Variants in PCYT1A observed in about 807,000 individuals in gnomAD.
PCYT1A encodes the protein choline-phosphate cytidylyltransferase A.
PCYT1A carries 25 observed loss-of-function variants against 43.7 expected under a neutral mutation model. The observed-to-expected ratio is 0.57, with a 90% CI of 0.42 to 0.80. PCYT1A has a LOEUF of 0.80. PCYT1A is among the 30% of genes least tolerant of loss of function. The pLI is 0.00. For missense variants in PCYT1A, 421 were observed against 474.2 expected, an observed-to-expected ratio of 0.89 and a Z score of 1.04; for synonymous variants, 172 against 170.7, an observed-to-expected ratio of 1.01 and a Z score of -0.06.
At chr3:196,266,262 A>G (rs1344652014) in intron 2 of PCYT1A, among the ~76,000 whole-genome samples, 1 of 148,778 alleles carries the variant, frequency 6.7e-6, no homozygotes, top group African/African-American at 2.5e-5. Context: ...CACGAGGTCA[A>G]GAGATCGAGA....
At chr3:196,270,131 G>T (rs2108777606) in intron 2 of PCYT1A, among the ~76,000 whole-genome samples, 1 of 152,230 alleles carries the variant, frequency 6.6e-6, no homozygotes, top group South Asian at 2.1e-4. Flanking sequence ...CCCAAAGTGT[G>T]GGATTACAGG....
At position 196,241,951 on chromosome 3, in the gene PCYT1A, G is replaced by A. The variant is rs1195978103; in HGVS notation, c.705C>T (p.Ile235=). 6.2e-7 allele frequency: 1 copy of A among 1,614,048 alleles called. No individual in the cohort carries two copies. Among genetic ancestry groups the A allele is most frequent in the Non-Finnish European group, 8.5e-7 (1 of 1,180,018 alleles). Residue 235 remains isoleucine (I), a synonymous_variant, in exon 7 of 9, where the codon ATC becomes ATT. Coordinates refer to ENST00000431016, the MANE Select transcript of PCYT1A (RefSeq NM_001312673.2). ...YTAKELNVSF[I]NEKKYHLQER... is the part of the protein sequence containing the mutation. ...CTGGGGTAAGGCTGGAACTCACGTT[G>A]ATAAAGCTGACATTGAGCTCCTTTG...
At chr3:196,263,773 C>T (rs964294136) in intron 2 of PCYT1A, among the ~76,000 whole-genome samples, 63 of 152,116 alleles carry the variant, frequency 4.1e-4, no homozygotes, top group African/African-American at 1.5e-3. Context: ...GCTGGGACTA[C>T]AGGCACCCAC....
At chr3:196,264,576 C>T (rs147301717) in intron 2 of PCYT1A, among the ~76,000 whole-genome samples, 206 of 152,302 alleles carry the variant, frequency 1.4e-3, no homozygotes, top group African/African-American at 4.8e-3. Context: ...ACCACTGCCC[C>T]TACCTCTTGG....
In PCYT1A at chr3:196,248,237, G is replaced by C. The variant is rs2108766509; in HGVS notation, c.304C>G (p.Leu102Val). 6.2e-7 allele frequency: 1 copy of C among 1,611,174 alleles called. No individual in the cohort carries two copies. The highest frequency in any genetic ancestry group is 8.5e-7 in the Non-Finnish European group (1 of 1,177,290). Reference protein sequence around the residue: ...HARALMQAKNLFPNTYLIVGV... With the variant: ...HARALMQAKNVFPNTYLIVGV... ...ACAATGAGGTACGTATTAGGGAAAA[G>C]GTTCTTCGCTTGCATCAGAGCTCGG... Residue 102 changes from leucine to valine, a missense_variant, in exon 4 of 9, where the codon CTT becomes GTT. Physicochemically the swap from Leu to Val is conservative, Grantham distance 32 (BLOSUM62 1). This residue lies in a region of PCYT1A where 174 missense variants were observed against 270.7 expected (regional missense o/e 0.64). Coordinates refer to ENST00000431016, the MANE Select transcript of PCYT1A (RefSeq NM_001312673.2).
rs754399295 is a variant in PCYT1A at position 196,270,543 on chromosome 3, T to C, written c.-10-2A>G. 4.4e-6 allele frequency: 7 copies of C among 1,598,908 alleles called. No individual in the cohort carries two copies. Among genetic ancestry groups the C allele is most frequent in the Middle Eastern group, 1.6e-4 (1 of 6,068 alleles). On this transcript the variant is annotated splice_acceptor_variant, in intron 1 of 8. Transcript: ENST00000431016. LOFTEE classifies it low-confidence loss of function (5UTR_SPLICE). ...CACTGTGCATCCATCTTCTTTTAAC[T>C]GGTCATAGAAAGTGAAAACAAAAAT...
intron 8 of PCYT1A, 78 bp downstream of exon 8, chr3:196,239,469 G>T: frequency 1.1e-6 from 1 of 888,882 alleles, no homozygotes; most frequent in Non-Finnish European, 1.8e-6. Context: ...CAGTGTCGAT[G>T]CCCCTTCCTG....
At position 196,235,999 on chromosome 3, in the gene PCYT1A, A is replaced by G. The variant is rs1361641053; in HGVS notation, c.*2689T>C. The G allele has an allele frequency of 2.0e-5, 3 of 152,248 alleles. No individual in the cohort carries two copies. The highest frequency in any genetic ancestry group is 1.5e-5 in the Non-Finnish European group (1 of 68,038). The allele number at this position is 152,248 out of a possible 1,614,324, so 9.4% of individuals were successfully genotyped here. A position where few individuals can be genotyped will look rare whatever the true frequency, so the allele number is the denominator to read the frequency against. On this transcript the variant is annotated 3_prime_UTR_variant, in exon 9 of 9. Transcript: ENST00000431016. The surrounding 1 kb of genome is among the most constrained non-coding windows in gnomAD (Gnocchi z 4.3). Reference sequence around the variant, plus strand: ...AGACAAATAGCTTTCAGTCAAAACGATTAGACTGAGGTGGTAGAAGCTCAC... The same window carrying G: ...AGACAAATAGCTTTCAGTCAAAACGGTTAGACTGAGGTGGTAGAAGCTCAC...
chr3:196,245,244 C>T (rs1019287393), intron 5 of PCYT1A, among the ~76,000 whole-genome samples: 14 of 151,382 alleles, frequency 9.2e-5, no homozygotes, highest in African/African-American at 3.2e-4. Flanking sequence ...TGGATTCAAG[C>T]GATTCTCCTG....
In PCYT1A at chr3:196,248,331, C is replaced by T; in HGVS notation, c.218-8G>A. 6.7e-7 allele frequency: 1 copy of T among 1,502,670 alleles called. No homozygotes were observed. Among genetic ancestry groups the T allele is most frequent in the Non-Finnish European group, 9.2e-7 (1 of 1,081,364 alleles). The allele number at this position is 1,502,670 out of a possible 1,614,324, so 93.1% of individuals were successfully genotyped here. A position where few individuals can be genotyped will look rare whatever the true frequency, so the allele number is the denominator to read the frequency against. On this transcript the variant is annotated splice_region_variant and splice_polypyrimidine_tract_variant and intron_variant, in intron 3 of 8. Coordinates refer to ENST00000431016, the MANE Select transcript of PCYT1A (RefSeq NM_001312673.2). ...CTCTCACAGGTCGCTCACCTAAATC[C>T]AAATGAAAGAATTGATCACAAAAAT...
intron 5 of PCYT1A, among the ~76,000 whole-genome samples, chr3:196,246,700 C>A (rs975133497): frequency 6.6e-6 from 1 of 152,178 alleles, no homozygotes; most frequent in African/African-American, 2.4e-5. Context: ...TATGTTAATC[C>A]GTCTTATTTC....
At chr3:196,269,550 A>C (rs1301038808) in intron 2 of PCYT1A, among the ~76,000 whole-genome samples, 1 of 152,114 alleles carries the variant, frequency 6.6e-6, no homozygotes, top group East Asian at 1.9e-4. Context: ...GCAAGCTGAG[A>C]CAGGATAGGC....
intron 2 of PCYT1A, among the ~76,000 whole-genome samples, chr3:196,264,528 C>T (rs186759286): frequency 6.6e-6 from 1 of 152,300 alleles, no homozygotes. Flanking sequence ...CTTCAAAGTT[C>T]AGCTCAGAAA....
intron 3 of PCYT1A, among the ~76,000 whole-genome samples, chr3:196,250,096 T>TGAGGACCAGGTACACCATGCCGAGGCA: frequency 7.2e-6 from 1 of 138,894 alleles, no homozygotes; most frequent in Non-Finnish European, 1.6e-5. Flanking sequence ...ATGCCGAGGC[T>TGAGGACCAGGTACACCATGCCGAGGCA]GAGGACCAGG....
intron 1 of PCYT1A, among the ~76,000 whole-genome samples, chr3:196,281,334 G>A (rs1046218573): frequency 6.6e-6 from 1 of 152,186 alleles, no homozygotes; most frequent in Admixed American, 6.5e-5. Flanking sequence ...TGCCCCCTAT[G>A]TAAAGGCCTT....
At chr3:196,244,855 T>G (rs568858497) in intron 5 of PCYT1A, among the ~76,000 whole-genome samples, 7 of 151,578 alleles carry the variant, frequency 4.6e-5, no homozygotes, top group Non-Finnish European at 8.8e-5. Context: ...TTAAGGGCGG[T>G]GCAAGATGTG....
intron 3 of PCYT1A, among the ~76,000 whole-genome samples, chr3:196,254,833 C>T (rs1329646466): frequency 1.3e-5 from 2 of 152,132 alleles, no homozygotes; most frequent in African/African-American, 4.8e-5. Flanking sequence ...GATAGATTTA[C>T]TCTCCCAAAT....
At chr3:196,274,281 A>G (rs905010229) in intron 1 of PCYT1A, among the ~76,000 whole-genome samples, 1 of 152,180 alleles carries the variant, frequency 6.6e-6, no homozygotes, top group African/African-American at 2.4e-5. Flanking sequence ...CGCCCTGCCA[A>G]CTTGGAAACG....
intron 2 of PCYT1A, among the ~76,000 whole-genome samples, chr3:196,267,096 T>C (rs933407489): frequency 6.6e-5 from 10 of 150,810 alleles, no homozygotes; most frequent in African/African-American, 2.4e-4. Flanking sequence ...GGAGAATCAC[T>C]TGAACCCAGG....
Sources: gnomAD v4.1 joint callset for allele counts (sites outside exome capture counted in the v4.1 genomes callset) on GRCh38, gnomAD v4.1.1 for gene constraint, gnomAD v4.1.1 regional missense constraint, Gnocchi (gnomAD v3.1) non-coding constraint, MANE v1.5 for transcripts, NCBI Gene and HGNC (gene_info 2026-07-23, HGNC 2026-07-21) for gene names.